The following SLIT3 variants were observed in gnomAD, a reference collection of about 807,000 sequenced individuals.
The protein encoded by SLIT3 is slit guidance ligand 3.
SLIT3 carries 68 observed loss-of-function variants against 184.0 expected under a neutral mutation model. The observed-to-expected ratio is 0.37, with a 90% CI of 0.30 to 0.45. The LOEUF (loss-of-function observed/expected upper bound fraction) is 0.45, where lower values mean the gene tolerates loss of function less well. Among genes scored for constraint, SLIT3 ranks in the 20% least tolerant of loss-of-function variants. The pLI is 1.00. For synonymous variants in SLIT3, 831 were observed against 828.6 expected (o/e 1.00, Z -0.05); for missense variants, 1,707 against 2,026.0 (o/e 0.84, Z 3.02).
intron 29 of SLIT3, 72 bp downstream of exon 29, chr5:168,692,535 T>C: frequency 1.0e-6 from 1 of 958,556 alleles, no homozygotes; most frequent in Non-Finnish European, 1.7e-6. Context: ...GACCAGAGAC[T>C]GCCTAAAACC....
intron 6 of SLIT3, among the ~76,000 whole-genome samples, chr5:168,831,875 C>A (rs760805755): frequency 2.0e-5 from 3 of 152,182 alleles, no homozygotes; most frequent in African/African-American, 4.8e-5. Context: ...TCCATCCACT[C>A]GGCAGAGCCT....
At chr5:169,270,086 G>A (rs893701608) in intron 1 of SLIT3, among the ~76,000 whole-genome samples, 9 of 152,054 alleles carry the variant, frequency 5.9e-5, no homozygotes, top group African/African-American at 1.4e-4. Context: ...GGAGGCTCCC[G>A]CCCTCTCCTC....
At chr5:169,248,884 T>C (rs1765684629) in intron 2 of SLIT3, among the ~76,000 whole-genome samples, 1 of 152,190 alleles carries the variant, frequency 6.6e-6, no homozygotes. Context: ...TAAATGCTCT[T>C]CATTTGGGGA....
intron 13 of SLIT3, 49 bp from the exon 14 acceptor site, chr5:168,772,993 C>A (rs1755611540): frequency 2.0e-6 from 3 of 1,532,288 alleles, no homozygotes; most frequent in Non-Finnish European, 2.6e-6. Context: ...CGGCGTCTTG[C>A]TCCACCACCA....
intron 8 of SLIT3, among the ~76,000 whole-genome samples, chr5:168,807,770 G>C (rs867864226): frequency 6.6e-5 from 10 of 152,276 alleles, no homozygotes; most frequent in African/African-American, 1.4e-4. Context: ...TTTGGCCCCT[G>C]TTCACTGGAG....
chr5:169,033,586 AT>A (rs1173316412), intron 4 of SLIT3, among the ~76,000 whole-genome samples: 3 of 152,168 alleles, frequency 2.0e-5, no homozygotes, highest in Non-Finnish European at 2.9e-5. Context: ...TCTTTTCTTC[AT>A]ACCCTCACCA....
chr5:169,127,401 G>T (rs960692198), intron 4 of SLIT3, among the ~76,000 whole-genome samples: 1 of 152,162 alleles, frequency 6.6e-6, no homozygotes, highest in Non-Finnish European at 1.5e-5. Flanking sequence ...GTTTGCCCAG[G>T]CACAGACAAA....
chr5:168,728,277 C>CATATATATATATATAT (rs3061738), intron 20 of SLIT3, among the ~76,000 whole-genome samples: 209 of 140,982 alleles, frequency 1.5e-3, no homozygotes, highest in Middle Eastern at 7.4e-3. Context: ...TAATCAACAA[C>CATATATATATATATAT]ATATATATAT....
chr5:169,223,662 T>C (rs541600909), intron 3 of SLIT3, among the ~76,000 whole-genome samples: 2 of 152,310 alleles, frequency 1.3e-5, no homozygotes, highest in African/African-American at 4.8e-5. Flanking sequence ...GTCTTTTATT[T>C]CTCCTTGAGC....
intron 28 of SLIT3, 152 bp from the exon 29 acceptor site, chr5:168,692,852 T>G: frequency 1.6e-6 from 1 of 606,604 alleles, no homozygotes. Context: ...TCCTGTGTTC[T>G]CACTCCTTGT....
intron 20 of SLIT3, among the ~76,000 whole-genome samples, chr5:168,735,175 GCT>G (rs1305955954): frequency 6.6e-6 from 1 of 152,178 alleles, no homozygotes; most frequent in Non-Finnish European, 1.5e-5. Flanking sequence ...GCATTTAAAT[GCT>G]CTGTTTCAGC....
chr5:169,152,601 TGA>T (rs1333419018), intron 4 of SLIT3, among the ~76,000 whole-genome samples: 3 of 152,288 alleles, frequency 2.0e-5, no homozygotes, highest in Non-Finnish European at 4.4e-5. Flanking sequence ...GTATATGGGC[TGA>T]GAGTCTACTC....
intron 8 of SLIT3, among the ~76,000 whole-genome samples, chr5:168,808,452 CA>C (rs1561944270): frequency 6.6e-6 from 1 of 152,154 alleles, no homozygotes; most frequent in Non-Finnish European, 1.5e-5. Flanking sequence ...GGGAAAATAA[CA>C]ATACTTATTT....
At chr5:168,876,774 T>C (rs1312158934) in intron 5 of SLIT3, among the ~76,000 whole-genome samples, 2 of 152,184 alleles carry the variant, frequency 1.3e-5, no homozygotes, top group Non-Finnish European at 2.9e-5. Flanking sequence ...TAAACTTAAT[T>C]TTGTCATCTG....
chr5:168,840,554 C>A (rs1347223738), intron 6 of SLIT3, among the ~76,000 whole-genome samples: 1 of 151,900 alleles, frequency 6.6e-6, no homozygotes, highest in Non-Finnish European at 1.5e-5. Flanking sequence ...AAACCCAGGG[C>A]TCAGAGCACC....
intron 5 of SLIT3, among the ~76,000 whole-genome samples, chr5:168,870,821 G>T (rs1759488089): frequency 6.6e-6 from 1 of 152,106 alleles, no homozygotes; most frequent in Non-Finnish European, 1.5e-5. Context: ...ACTATTTGTG[G>T]GCTCTTGAAG....
At chr5:169,281,646 A>G (rs1766997577) in intron 1 of SLIT3, among the ~76,000 whole-genome samples, 1 of 152,192 alleles carries the variant, frequency 6.6e-6, no homozygotes. Context: ...AGCCAATAGC[A>G]TTAGTCGTTA....
At chr5:169,161,113 T>C (rs569146719) in intron 4 of SLIT3, among the ~76,000 whole-genome samples, 1 of 152,250 alleles carries the variant, frequency 6.6e-6, no homozygotes, top group African/African-American at 2.4e-5. Flanking sequence ...GTGCCAGCAC[T>C]CACATCTAGG....
At chr5:168,731,097 G>A (rs1163038254) in intron 20 of SLIT3, among the ~76,000 whole-genome samples, 1 of 151,924 alleles carries the variant, frequency 6.6e-6, no homozygotes, top group African/African-American at 2.4e-5. Flanking sequence ...AACTGAAAAA[G>A]GAGACATTAC....
Sources: gnomAD v4.1 joint callset for allele counts (sites outside exome capture counted in the v4.1 genomes callset) on GRCh38, gnomAD v4.1.1 for gene constraint, MANE v1.5 for transcripts, NCBI Gene and HGNC (gene_info 2026-07-23, HGNC 2026-07-21) for gene names.